DIP2C: variants seen among roughly 807,000 people sequenced by gnomAD.
DIP2C encodes DIP2 acetate--CoA ligase C (putative), also known as disco-interacting protein 2 homolog C.
In DIP2C, 33 loss-of-function variants were observed where a neutral mutation model predicts 192.4. The ratio of observed to expected loss-of-function variants is 0.17; its 90% CI spans 0.13 to 0.23. The LOEUF is 0.23. Among genes scored for constraint, DIP2C ranks in the 10% least tolerant of loss-of-function variants. The probability of loss-of-function intolerance (pLI) is 1.00; values close to 1 mark genes in which losing one functional copy is unlikely to be tolerated. For missense variants in DIP2C, 1,537 were observed against 2,110.1 expected (o/e 0.73, Z 5.32); for synonymous variants, 979 against 864.1 (o/e 1.13, Z -2.33).
chr10:366,496 G>A (rs781524616), intron 18 of DIP2C, 85 bp from the exon 19 acceptor site: 74 of 1,580,152 alleles, frequency 4.7e-5, no homozygotes, highest in Non-Finnish European at 5.9e-5. Flanking sequence ...GAATATGAAC[G>A]ACACCAGTGA....
rs536062134 is a variant in DIP2C, at chr10:355,343, C to T, written c.2985+1083G>A. ...GAGGTTGTTCCTATGAACTAAGCCA[C>T]GTGCAGAGAATGGTCTGATAACTGA... On this transcript the variant is annotated intron_variant, in intron 24 of 36. Coordinates refer to ENST00000280886, the MANE Select transcript of DIP2C (RefSeq NM_014974.3). 1.2e-4 allele frequency among the ~76,000 whole-genome samples: 19 copies of T among 152,342 alleles called. 1 individual carries two copies. Among genetic ancestry groups the T allele is most frequent in the South Asian group, 4.1e-4 (2 of 4,828 alleles).
intron 30 of DIP2C, among the ~76,000 whole-genome samples, chr10:327,588 G>C (rs1011049152): frequency 5.3e-5 from 8 of 152,160 alleles, no homozygotes; most frequent in East Asian, 1.9e-4. Context: ...AAAGAGATGG[G>C]ATCTTGCTAT....
chr10:654,817 T>C (rs1321704995), intron 1 of DIP2C, among the ~76,000 whole-genome samples: 1 of 152,254 alleles, frequency 6.6e-6, no homozygotes, highest in African/African-American at 2.4e-5. Context: ...TGCGCGAGGC[T>C]ACTATTCTAT....
chr10:674,515 A>C (rs1421911384), intron 1 of DIP2C, among the ~76,000 whole-genome samples: 1 of 152,004 alleles, frequency 6.6e-6, no homozygotes, highest in African/African-American at 2.4e-5. Flanking sequence ...CACACCTGTA[A>C]TCCCAGCACT....
intron 1 of DIP2C, among the ~76,000 whole-genome samples, chr10:579,523 TAC>T (rs1219096456): frequency 2.4e-4 from 37 of 152,062 alleles, no homozygotes; most frequent in African/African-American, 8.0e-4. Flanking sequence ...GCAGAGAGCA[TAC>T]ACACATCCAG....
chr10:319,607 A>G (rs1956920772), intron 31 of DIP2C, among the ~76,000 whole-genome samples: 1 of 152,018 alleles, frequency 6.6e-6, no homozygotes, highest in Non-Finnish European at 1.5e-5. Flanking sequence ...TATATTTCCA[A>G]ATAATAAGTG....
At chr10:675,041 C>G (rs1423853775) in intron 1 of DIP2C, among the ~76,000 whole-genome samples, 1 of 151,968 alleles carries the variant, frequency 6.6e-6, no homozygotes, top group African/African-American at 2.4e-5. Context: ...ACATGCTAGG[C>G]TACAAAATAA....
chr10:399,035 C>T, intron 10 of DIP2C, 74 bp downstream of exon 10: 1 of 1,316,112 alleles, frequency 7.6e-7, no homozygotes, highest in South Asian at 1.2e-5. Flanking sequence ...AGGAGACCCT[C>T]ACCCAGCCGG....
intron 1 of DIP2C, among the ~76,000 whole-genome samples, chr10:564,229 G>A (rs1588470229): frequency 2.0e-5 from 3 of 150,684 alleles, no homozygotes; most frequent in African/African-American, 7.3e-5. Context: ...ACCCCCGCAC[G>A]TGGTTGAGGC....
intron 1 of DIP2C, among the ~76,000 whole-genome samples, chr10:582,096 C>A (rs1187013953): frequency 1.3e-5 from 2 of 152,308 alleles, no homozygotes; most frequent in Non-Finnish European, 2.9e-5. Flanking sequence ...AATGCTGCCA[C>A]TGATCCAAGA....
At position 404,210 on chromosome 10, in the gene DIP2C, ATTT is replaced by A. The variant is rs200567522; in HGVS notation, c.1149+4713_1149+4715del. On this transcript the variant is annotated intron_variant, in intron 9 of 36. Coordinates refer to ENST00000280886, the MANE Select transcript of DIP2C (RefSeq NM_014974.3). ...TCATTTTTGCATTACTTCATTCTGG[ATTT>A]TTTTTTTTTTTTTGAGACAGAGTCT... 2.4e-3 allele frequency among the ~76,000 whole-genome samples: 353 copies of A among 146,438 alleles called. 1 individual carries two copies. Among genetic ancestry groups the A allele is most frequent in the African/African-American group, 4.5e-3 (178 of 39,738 alleles).
chr10:476,732 C>A (rs548988537), intron 2 of DIP2C, among the ~76,000 whole-genome samples: 37 of 152,342 alleles, frequency 2.4e-4, no homozygotes, highest in Admixed American at 9.8e-4. Context: ...GAGCCTCAAT[C>A]TCTGTTACAA....
At chr10:491,992 G>A (rs903601772) in intron 1 of DIP2C, among the ~76,000 whole-genome samples, 1 of 152,126 alleles carries the variant, frequency 6.6e-6, no homozygotes, top group East Asian at 1.9e-4. Flanking sequence ...CCCGACCCCA[G>A]AAAACAGGGG....
intron 19 of DIP2C, 144 bp from the exon 20 acceptor site, chr10:364,726 T>A: frequency 2.3e-6 from 2 of 869,542 alleles, no homozygotes; most frequent in Non-Finnish European, 3.5e-6. Flanking sequence ...GAGGTCACAG[T>A]GACCGCTGGT....
chr10:399,775 C>T (rs539853262), intron 9 of DIP2C, among the ~76,000 whole-genome samples: 4 of 152,160 alleles, frequency 2.6e-5, no homozygotes, highest in Admixed American at 6.5e-5. Flanking sequence ...TCACACATGG[C>T]GTGAGTTCGT....
intron 32 of DIP2C, 67 bp from the exon 33 acceptor site, chr10:288,488 C>T: frequency 1.3e-6 from 2 of 1,520,408 alleles, no homozygotes; most frequent in South Asian, 2.3e-5. Flanking sequence ...CACCAATTCA[C>T]ACGAGGTCAC....
In DIP2C at chr10:487,921, G is replaced by A. The variant is rs139135981; in HGVS notation, c.86-1391C>T. Reference sequence around the variant, plus strand: ...CCACTGACAACAAAGGACAATTTCTGCAGAAATGTTAAAGCTTGCCGGGCA... The same window carrying A: ...CCACTGACAACAAAGGACAATTTCTACAGAAATGTTAAAGCTTGCCGGGCA... On this transcript the variant is annotated intron_variant, in intron 1 of 36. Coordinates refer to ENST00000280886, the MANE Select transcript of DIP2C (RefSeq NM_014974.3). Among the ~76,000 whole-genome samples, 602 of 152,276 alleles carry A rather than the reference G, an allele frequency of 4.0e-3. 8 individuals are homozygous for A. Among genetic ancestry groups the A allele is most frequent in the African/African-American group, 0.013 (521 of 41,548 alleles).
intron 1 of DIP2C, among the ~76,000 whole-genome samples, chr10:657,682 ATG>A (rs1856457499): frequency 2.2e-5 from 1 of 45,014 alleles, no homozygotes. Context: ...GCTGGACCTG[ATG>A]CTGGACCTGA....
rs541555535 is a variant in DIP2C, at chr10:535,383, G to C, written c.86-48853C>G. On this transcript the variant is annotated intron_variant, in intron 1 of 36. Coordinates refer to ENST00000280886, the MANE Select transcript of DIP2C (RefSeq NM_014974.3). ...TGCTCCGGCCAAAGCCACGCTTCTC[G>C]GGGGGCATTTCCCTTCACACATCTG... Among the ~76,000 whole-genome samples, 27 of 151,974 alleles carry C rather than the reference G, an allele frequency of 1.8e-4. No homozygotes were observed. In the South Asian group the frequency reaches 5.3e-3, roughly 30 times the overall value.
Sources: allele counts gnomAD v4.1 joint callset (sites outside exome capture counted in the v4.1 genomes callset), GRCh38; gene constraint gnomAD v4.1.1; transcripts MANE v1.5; gene names NCBI Gene and HGNC (gene_info 2026-07-23, HGNC 2026-07-21).